CPQ: variants seen among roughly 807,000 people sequenced by gnomAD.
CPQ encodes Ser-Met dipeptidase.
Under a neutral mutation model 45.7 loss-of-function variants are expected in CPQ, and 37 were observed. The observed-to-expected ratio is 0.81, with a 90% CI of 0.62 to 1.07. The LOEUF (loss-of-function observed/expected upper bound fraction) is 1.07. Among genes scored for constraint, CPQ ranks in the 50% least tolerant of loss-of-function variants. The pLI is 0.00. For synonymous variants in CPQ, 186 were observed against 205.8 expected (o/e 0.90, Z 0.82); for missense variants, 537 against 572.9 (o/e 0.94, Z 0.64).
rs116447245 is a variant in CPQ, at chr8:97,060,378, C to G, written c.1054-5631C>G. Among the ~76,000 whole-genome samples, 405 of 152,168 alleles carry G rather than the reference C, an allele frequency of 2.7e-3. 1 individual carries two copies. Among genetic ancestry groups the G allele is most frequent in the African/African-American group, 8.7e-3 (362 of 41,538 alleles). ...AGTGTTACAGCATGTGATTGTAGCACAAGACAATTATGAATCCTCAACCCT... is the reference window on the plus strand; with the variant it reads ...AGTGTTACAGCATGTGATTGTAGCAGAAGACAATTATGAATCCTCAACCCT... On this transcript the variant is annotated intron_variant, in intron 6 of 7. Coordinates refer to ENST00000220763, the MANE Select transcript of CPQ (RefSeq NM_016134.4).
intron 7 of CPQ, among the ~76,000 whole-genome samples, chr8:97,070,941 C>G (rs1249318506): frequency 6.6e-6 from 1 of 152,120 alleles, no homozygotes; most frequent in Non-Finnish European, 1.5e-5. Flanking sequence ...CTAAGTGCAT[C>G]CTTCTTGAAT....
chr8:96,678,473 C>T (rs1185455643), intron 1 of CPQ, among the ~76,000 whole-genome samples: 1 of 151,896 alleles, frequency 6.6e-6, no homozygotes, highest in East Asian at 1.9e-4. Flanking sequence ...ATATTTTTAG[C>T]TTTTTGAGAA....
At chr8:97,038,216 T>G (rs1810035760) in intron 6 of CPQ, among the ~76,000 whole-genome samples, 1 of 152,238 alleles carries the variant, frequency 6.6e-6, no homozygotes. Flanking sequence ...CCTTTTAAAG[T>G]TACTCCTAAG....
At position 97,035,959 on chromosome 8, in the gene CPQ, G is replaced by A. The variant is rs924820250; in HGVS notation, c.1053+6465G>A. ...CCTGACCTCATGATCCGCCCACCAC[G>A]GCCTCCCAAAGTGCTGGGATTACAG... On this transcript the variant is annotated intron_variant, in intron 6 of 7. Transcript: ENST00000220763. 2.0e-4 allele frequency among the ~76,000 whole-genome samples: 31 copies of A among 152,118 alleles called. 2 individuals carry two copies. Among genetic ancestry groups the A allele is most frequent in the African/African-American group, 7.0e-4 (29 of 41,516 alleles).
In CPQ at chr8:96,687,041, A is replaced by G. The variant is rs566823728; in HGVS notation, c.-35+41639A>G. 8.6e-5 allele frequency among the ~76,000 whole-genome samples: 13 copies of G among 151,852 alleles called. No homozygotes were observed. In the South Asian group the frequency reaches 1.5e-3, roughly 17 times the overall value. On this transcript the variant is annotated intron_variant, in intron 1 of 7. Coordinates refer to ENST00000220763, the MANE Select transcript of CPQ (RefSeq NM_016134.4). Reference sequence around the variant, plus strand: ...CTTGTTCTTTGTATTTGTATTTTCTATCCTTATAATTAAAAATGTTTTGGC... The same window carrying G: ...CTTGTTCTTTGTATTTGTATTTTCTGTCCTTATAATTAAAAATGTTTTGGC...
intron 1 of CPQ, among the ~76,000 whole-genome samples, chr8:96,740,587 T>C (rs1810072670): frequency 6.6e-6 from 1 of 151,282 alleles, no homozygotes; most frequent in Non-Finnish European, 1.5e-5. Context: ...CAGTATGATA[T>C]TGGCTGTGGG....
At chr8:96,949,102 A>G (rs910668418) in intron 4 of CPQ, among the ~76,000 whole-genome samples, 10 of 152,038 alleles carry the variant, frequency 6.6e-5, no homozygotes, top group African/African-American at 2.4e-4. Flanking sequence ...CAGCTACTCT[A>G]TGTCTTTGGA....
intron 1 of CPQ, among the ~76,000 whole-genome samples, chr8:96,658,886 C>T (rs1815666664): frequency 6.6e-6 from 1 of 152,208 alleles, no homozygotes; most frequent in African/African-American, 2.4e-5. Flanking sequence ...GGATGCAGTC[C>T]TGCCGATACC....
chr8:96,995,603 T>C (rs1232647512), intron 5 of CPQ, among the ~76,000 whole-genome samples: 1 of 151,272 alleles, frequency 6.6e-6, no homozygotes, highest in Non-Finnish European at 1.5e-5. Flanking sequence ...AGCAGCTGAA[T>C]AGTTAGAATT....
At chr8:96,718,743 G>A (rs951170984) in intron 1 of CPQ, among the ~76,000 whole-genome samples, 6 of 152,186 alleles carry the variant, frequency 3.9e-5, no homozygotes, top group Middle Eastern at 3.4e-3. Flanking sequence ...TGATTGGTGC[G>A]TTTACAATCC....
At chr8:96,978,774 G>T (rs910465617) in intron 5 of CPQ, among the ~76,000 whole-genome samples, 1 of 152,116 alleles carries the variant, frequency 6.6e-6, no homozygotes, top group Non-Finnish European at 1.5e-5. Context: ...TGCCCCAGTG[G>T]ATTTCCTCCC....
chr8:96,888,553 A>G (rs1031693099), intron 4 of CPQ, among the ~76,000 whole-genome samples: 5 of 152,248 alleles, frequency 3.3e-5, no homozygotes, highest in Non-Finnish European at 7.3e-5. Flanking sequence ...CATTATTTAC[A>G]GAGTAAGGGT....
chr8:96,999,243 T>A (rs1272801452), intron 5 of CPQ, among the ~76,000 whole-genome samples: 4 of 151,450 alleles, frequency 2.6e-5, no homozygotes, highest in Non-Finnish European at 5.9e-5. Context: ...TTTTTTTTTT[T>A]AACTTTTATT....
intron 1 of CPQ, among the ~76,000 whole-genome samples, chr8:96,688,708 A>G (rs1809267451): frequency 6.6e-6 from 1 of 152,092 alleles, no homozygotes; most frequent in East Asian, 1.9e-4. Flanking sequence ...TTATATTTCA[A>G]TGTACTGTAA....
At chr8:96,653,823 T>G (rs573272434) in intron 1 of CPQ, among the ~76,000 whole-genome samples, 13 of 152,002 alleles carry the variant, frequency 8.6e-5, no homozygotes, top group Non-Finnish European at 4.4e-5. Flanking sequence ...GTCTTAGGGG[T>G]GGCAGAGGTG....
At chr8:97,009,375 A>C (rs183476714) in intron 5 of CPQ, among the ~76,000 whole-genome samples, 50 of 152,128 alleles carry the variant, frequency 3.3e-4, no homozygotes, top group African/African-American at 1.2e-3. Context: ...CCTACATGTC[A>C]CATCTGATTT....
chr8:97,123,206 AAAAAT>A (rs1164063488), intron 7 of CPQ, among the ~76,000 whole-genome samples: 1,115 of 91,004 alleles, frequency 0.012, 107 homozygotes, highest in African/African-American at 0.039. Flanking sequence ...AAATAAAATA[AAAAAT>A]AAAATAAAAT....
Position 96,861,190 on chromosome 8 carries a change from A to C in CPQ, c.642-18608A>C, listed in dbSNP as rs553355076. On this transcript the variant is annotated intron_variant, in intron 3 of 7. Coordinates refer to ENST00000220763, the MANE Select transcript of CPQ (RefSeq NM_016134.4). ...ATTGTCTAGATTGTACTTCTAAGCC[A>C]GCATGAGCATTTTAGAATATAAGAA... Among the ~76,000 whole-genome samples, 8 of 152,292 alleles carry C rather than the reference A, an allele frequency of 5.3e-5. No homozygotes were observed. The East Asian group carries it at 1.5e-3, about 29-fold the overall frequency.
intron 1 of CPQ, among the ~76,000 whole-genome samples, chr8:96,762,557 G>C (rs1810418025): frequency 1.3e-5 from 2 of 152,122 alleles, no homozygotes; most frequent in Non-Finnish European, 2.9e-5. Flanking sequence ...ATTCTGTAGA[G>C]ATATCTTAGG....
Sources: allele counts gnomAD v4.1 joint callset (sites outside exome capture counted in the v4.1 genomes callset), GRCh38; gene constraint gnomAD v4.1.1; transcripts MANE v1.5; gene names NCBI Gene and HGNC (gene_info 2026-07-23, HGNC 2026-07-21).